The following NFIB variants were observed in gnomAD, a reference collection of about 807,000 sequenced individuals.
The protein encoded by NFIB is nuclear factor I B.
A neutral mutation model predicts 61.5 loss-of-function variants in NFIB; 11 were observed. The ratio of observed to expected loss-of-function variants is 0.18; its 90% CI spans 0.11 to 0.30. The LOEUF (loss-of-function observed/expected upper bound fraction) is 0.30. NFIB is among the 10% of genes least tolerant of loss of function. NFIB has a pLI of 1.00. For missense variants in NFIB, 471 were observed against 608.9 expected (o/e 0.77, Z 2.38); for synonymous variants, 260 against 216.5 (o/e 1.20, Z -1.76).
rs2060371095 is a variant in NFIB, at chr9:14,313,235, C to T, written c.30+247G>A. 6.6e-6 allele frequency among the ~76,000 whole-genome samples: 1 copy of T among 151,612 alleles called. No homozygotes were observed. ...GGTCCCGGCCCTGCCCACCCCCCGG[C>T]GGCCTTGCCCGGCCCAGCGCCCGCG... On this transcript the variant is annotated intron_variant, in intron 1 of 10. Transcript: ENST00000380953. This position sits in a 1 kb window ranked among gnomAD's most constrained non-coding sequence, Gnocchi z 4.5.
In NFIB at chr9:14,085,694, T is replaced by C. The variant is rs2032762425; in HGVS notation, c.*2615A>G. The C allele has an allele frequency of 4.6e-6, 1 of 219,502 alleles. No homozygotes were observed. The highest frequency in any genetic ancestry group is 2.2e-5 in the African/African-American group (1 of 44,584). The allele number at this position is 219,502 out of a possible 1,614,324, so 13.6% of individuals were successfully genotyped here. A position where few individuals can be genotyped will look rare whatever the true frequency, so the allele number is the denominator to read the frequency against. ...GCAACCCTCTGTTCAATCTTCTGGATATTAAAAAAAAATCCAAGTGCACTG... is the reference window on the plus strand; with the variant it reads ...GCAACCCTCTGTTCAATCTTCTGGACATTAAAAAAAAATCCAAGTGCACTG... On this transcript the variant is annotated 3_prime_UTR_variant, in exon 11 of 11. Coordinates refer to ENST00000380953, the MANE Select transcript of NFIB (RefSeq NM_001190737.2).
At chr9:14,507,292 C>T in the NFIB span, among the ~76,000 whole-genome samples, 4 of 152,040 alleles carry the variant, frequency 2.6e-5, no homozygotes, top group South Asian at 2.1e-4. Flanking sequence ...TTTGAGGGAG[C>T]GTGATATAAA....
rs577588003 is a variant in NFIB, at chr9:14,349,209, T to C, written c.109-41689A>G. On this transcript the variant is annotated intron_variant, in intron 1 of 8. Coordinates refer to the NFIB transcript ENST00000380934. ...TCTTTGTAGCCTGTTGGGAGAATTT[T>C]TGGAAGCTAGCGGGGTGGGGGTTTG... 2.6e-4 allele frequency among the ~76,000 whole-genome samples: 40 copies of C among 152,266 alleles called. No homozygotes were observed. In the South Asian group the frequency reaches 4.6e-3, roughly 17 times the overall value.
chr9:14,232,442 C>T (rs1340416255), intron 2 of NFIB, among the ~76,000 whole-genome samples: 1 of 152,110 alleles, frequency 6.6e-6, no homozygotes, highest in Non-Finnish European at 1.5e-5. Flanking sequence ...AAATCATTTG[C>T]CACCAGGAAA....
At chr9:14,372,651 T>A (rs535951650) in intron 1 of NFIB, among the ~76,000 whole-genome samples, 226 of 152,234 alleles carry the variant, frequency 1.5e-3, no homozygotes, top group African/African-American at 5.1e-3. Flanking sequence ...TCTGGGCGGT[T>A]TTACTGTGTG....
At chr9:14,105,744 G>A (rs1384201524) in intron 10 of NFIB, among the ~76,000 whole-genome samples, 3 of 152,090 alleles carry the variant, frequency 2.0e-5, no homozygotes, top group Non-Finnish European at 2.9e-5. Flanking sequence ...AGCAAATTGT[G>A]AACAGACTCT....
the NFIB span, among the ~76,000 whole-genome samples, chr9:14,518,650 GAAAGAAACTCAAGAAA>G: frequency 1.3e-5 from 2 of 151,360 alleles, no homozygotes; most frequent in Non-Finnish European, 2.9e-5. Context: ...CAAGACTACG[GAAAGAAACTCAAGAAA>G]AAAAAAAGAG....
At chr9:14,419,773 C>A in the NFIB span, among the ~76,000 whole-genome samples, 22 of 152,150 alleles carry the variant, frequency 1.4e-4, no homozygotes, top group Admixed American at 1.4e-3. Context: ...CACTTCCCAT[C>A]GGTATGTCTG....
At chr9:14,497,339 T>A in the NFIB span, among the ~76,000 whole-genome samples, 1 of 152,214 alleles carries the variant, frequency 6.6e-6, no homozygotes, top group South Asian at 2.1e-4. Flanking sequence ...TAAAAGTTAT[T>A]ACAGGAGTGC....
chr9:14,361,165 C>T (rs1176618249), intron 1 of NFIB: 2 of 150,906 alleles, frequency 1.3e-5, no homozygotes, highest in Non-Finnish European at 2.9e-5. Flanking sequence ...TCCCAGTCAA[C>T]TTTTTAATCT....
intron 2 of NFIB, among the ~76,000 whole-genome samples, chr9:14,216,538 CTCTCCCTCTGTGTGTGTGTGTG>C (rs1423441940): frequency 2.6e-3 from 81 of 30,608 alleles, no homozygotes; most frequent in African/African-American, 9.4e-3. Context: ...CTCTCTCTCT[CTCTCCCTCTGTGTGTGTGTGTG>C]TGTGTGTGTG....
At chr9:14,469,893 G>T in the NFIB span, among the ~76,000 whole-genome samples, 1 of 152,090 alleles carries the variant, frequency 6.6e-6, no homozygotes, top group African/African-American at 2.4e-5. Context: ...TTTTAATCAA[G>T]GCTTGAAAAT....
At chr9:14,207,827 G>T (rs930100408) in intron 2 of NFIB, among the ~76,000 whole-genome samples, 1 of 152,194 alleles carries the variant, frequency 6.6e-6, no homozygotes. Flanking sequence ...TGACCACAGA[G>T]AAGAGCCCGT....
chr9:14,129,812 C>T (rs932731222), intron 6 of NFIB, among the ~76,000 whole-genome samples: 2 of 151,944 alleles, frequency 1.3e-5, no homozygotes, highest in South Asian at 4.1e-4. Flanking sequence ...TATATAATAA[C>T]TTGAATAATG....
At chr9:14,392,203 T>C (rs1007652196) in intron 1 of NFIB, among the ~76,000 whole-genome samples, 5 of 152,156 alleles carry the variant, frequency 3.3e-5, no homozygotes, top group Non-Finnish European at 7.3e-5. Flanking sequence ...TAACGTGGCA[T>C]CCTGGATGTG....
At chr9:14,214,428 G>A (rs902410140) in intron 2 of NFIB, among the ~76,000 whole-genome samples, 1 of 152,196 alleles carries the variant, frequency 6.6e-6, no homozygotes, top group Non-Finnish European at 1.5e-5. Flanking sequence ...TGGTCCTGAA[G>A]GCAAATTATG....
intron 2 of NFIB, among the ~76,000 whole-genome samples, chr9:14,271,373 C>T (rs1348527253): frequency 6.6e-6 from 1 of 152,022 alleles, no homozygotes. Flanking sequence ...TGAAGAAATG[C>T]CTCCTTAGTT....
intron 1 of NFIB, among the ~76,000 whole-genome samples, chr9:14,310,820 TAA>T (rs1285215447): frequency 1.3e-5 from 2 of 152,230 alleles, no homozygotes; most frequent in Admixed American, 6.5e-5. Flanking sequence ...GATATAAAAA[TAA>T]AGAGTCTTAA....
chr9:14,203,131 G>A (rs756624840), intron 2 of NFIB, among the ~76,000 whole-genome samples: 3 of 151,682 alleles, frequency 2.0e-5, no homozygotes, highest in African/African-American at 7.3e-5. Flanking sequence ...ATATCCTCTT[G>A]CATGCTTTAG....
Sources: gnomAD v4.1 joint callset for allele counts (sites outside exome capture counted in the v4.1 genomes callset) on GRCh38, gnomAD v4.1.1 for gene constraint, Gnocchi (gnomAD v3.1) non-coding constraint, MANE v1.5 for transcripts, NCBI Gene and HGNC (gene_info 2026-07-23, HGNC 2026-07-21) for gene names.